Variants in TRAP1 observed in about 807,000 individuals in gnomAD.
The protein encoded by TRAP1 is TNF receptor associated protein 1.
TRAP1 carries 102 observed loss-of-function variants against 89.1 expected under a neutral mutation model. The ratio of observed to expected loss-of-function variants is 1.15; its 90% CI spans 0.98 to 1.35. TRAP1 has a LOEUF of 1.35. Ranked by LOEUF, TRAP1 falls within the 40% of genes most tolerant of loss-of-function variation. The probability of loss-of-function intolerance (pLI) is 0.00; values close to 1 mark genes in which losing one functional copy is unlikely to be tolerated. For synonymous variants in TRAP1, 508 were observed against 388.0 expected (o/e 1.31, Z -3.64); for missense variants, 1,256 against 945.3 (o/e 1.33, Z -4.31).
At chr16:3,682,982 G>A (rs931261241) in intron 4 of TRAP1, among the ~76,000 whole-genome samples, 4 of 151,670 alleles carry the variant, frequency 2.6e-5, no homozygotes, top group African/African-American at 7.3e-5. Flanking sequence ...CAGCCTGACC[G>A]ACATGGAGAA....
At chr16:3,669,832 CAAA>C (rs59256364) in intron 11 of TRAP1, among the ~76,000 whole-genome samples, 2 of 66,156 alleles carry the variant, frequency 3.0e-5, no homozygotes, top group South Asian at 4.9e-4. Flanking sequence ...GACTCCGTCT[CAAA>C]AAAAAAAAAA....
At chr16:3,673,346 GGGT>G (rs1567229579) in intron 9 of TRAP1, among the ~76,000 whole-genome samples, 1 of 152,222 alleles carries the variant, frequency 6.6e-6, no homozygotes, top group Non-Finnish European at 1.5e-5. Flanking sequence ...TCACCCGGCA[GGGT>G]TAGTGGCTAC....
chr16:3,683,392 T>G (rs896449066), intron 4 of TRAP1, among the ~76,000 whole-genome samples: 1 of 151,562 alleles, frequency 6.6e-6, no homozygotes, highest in Non-Finnish European at 1.5e-5. Flanking sequence ...ACATTTCTTT[T>G]TTTTTTTTTT....
At chr16:3,690,774 G>C (rs945256778) in intron 2 of TRAP1, 53 bp downstream of exon 2, 1 of 1,337,152 alleles carries the variant, frequency 7.5e-7, no homozygotes, top group African/African-American at 1.5e-5. Context: ...GCCCCTTTAC[G>C]CACAGCAGTG....
At chr16:3,695,808 C>T (rs778959752) in intron 1 of TRAP1, among the ~76,000 whole-genome samples, 1 of 152,096 alleles carries the variant, frequency 6.6e-6, no homozygotes, top group African/African-American at 2.4e-5. Context: ...GCCCGATTTA[C>T]GCATGTGCCA....
intron 3 of TRAP1, among the ~76,000 whole-genome samples, chr16:3,686,339 T>C (rs2051138399): frequency 6.6e-6 from 1 of 152,196 alleles, no homozygotes; most frequent in Non-Finnish European, 1.5e-5. Flanking sequence ...CCTTTCAGGA[T>C]TTCTTTGAGA....
In TRAP1 at chr16:3,666,018, G is replaced by T. The variant is rs1394531897; in HGVS notation, c.1336C>A (p.Leu446Met). The part of the protein sequence containing the change: ...KYAKFFEDYG[L>M]FMREGIVTAT... ...GTCACAATGCCCTCCCGCATGAACA[G>T]GCCGTAATCTTCAAAAAACTTTGCA... Residue 446 changes from leucine to methionine, a missense_variant, in exon 12 of 18, where the codon CTG (leucine) becomes ATG (methionine). Transcript: ENST00000246957. The T allele has an allele frequency of 4.3e-6, 7 of 1,614,148 alleles. No individual in the cohort carries two copies. Among genetic ancestry groups the T allele is most frequent in the Non-Finnish European group, 5.9e-6 (7 of 1,180,022 alleles).
intron 4 of TRAP1, 54 bp downstream of exon 4, chr16:3,685,942 C>T: frequency 1.3e-6 from 2 of 1,591,422 alleles, no homozygotes; most frequent in Non-Finnish European, 1.7e-6. Context: ...AAGGCGGATC[C>T]TGTCCTTGCT....
intron 3 of TRAP1, 25 bp downstream of exon 3, chr16:3,689,030 C>T (rs373945782): frequency 2.1e-5 from 33 of 1,578,112 alleles, no homozygotes; most frequent in African/African-American, 1.8e-4. Flanking sequence ...TTGCTAGCAT[C>T]GGGCATGGTT....
chr16:3,691,237 G>C (rs2051210428), intron 1 of TRAP1: 1 of 303,236 alleles, frequency 3.3e-6, no homozygotes. Context: ...GGAGGGGGTG[G>C]GCTGCTGCCT....
At chr16:3,696,043 AG>A (rs2051282787) in intron 1 of TRAP1, among the ~76,000 whole-genome samples, 1 of 152,216 alleles carries the variant, frequency 6.6e-6, no homozygotes, top group African/African-American at 2.4e-5. Context: ...GACGCGTGAC[AG>A]GGCCCAGGCG....
At chr16:3,706,292 G>A (rs1012056532) in intron 1 of TRAP1, among the ~76,000 whole-genome samples, 6 of 151,740 alleles carry the variant, frequency 4.0e-5, no homozygotes, top group Non-Finnish European at 5.9e-5. Flanking sequence ...GTTTTGGGGT[G>A]GGGTGGGGGT....
chr16:3,685,888 G>T, intron 4 of TRAP1, 108 bp downstream of exon 4: 1 of 1,326,180 alleles, frequency 7.5e-7, no homozygotes, highest in Non-Finnish European at 1.0e-6. Context: ...TTATCCTGGT[G>T]GTACGGACGG....
chr16:3,667,753 AT>A (rs1404745786), intron 11 of TRAP1, among the ~76,000 whole-genome samples: 1 of 143,918 alleles, frequency 6.9e-6, no homozygotes. Flanking sequence ...AATATAACAC[AT>A]CAATTTTTTT....
rs1351492887 is a variant in TRAP1, at chr16:3,664,439, C to T, written c.1404G>A (p.Leu468=). 7.4e-6 allele frequency: 12 copies of T among 1,611,686 alleles called. No homozygotes were observed. In the Admixed American group the frequency reaches 1.5e-4, roughly 20 times the overall value. The part of the protein sequence containing the change: ...QEVKEDIAKL[L]RYESSALPSG... Reference sequence around the variant, plus strand: ...AGGGCAGCGCCGAGGACTCGTAGCGCAGCAGCTTTGCTATGTCCTCCTAGA... The same window carrying T: ...AGGGCAGCGCCGAGGACTCGTAGCGTAGCAGCTTTGCTATGTCCTCCTAGA... The change falls in exon 13 of 18, where the codon CTG becomes CTA. Residue 468 remains leucine, a synonymous_variant. Transcript: ENST00000246957.
chr16:3,714,558 C>T (rs1039335653), intron 1 of TRAP1, among the ~76,000 whole-genome samples: 2 of 152,086 alleles, frequency 1.3e-5, no homozygotes, highest in African/African-American at 4.8e-5. Flanking sequence ...ACGTGGGAGG[C>T]GAAGTCAGGA....
chr16:3,686,831 C>T (rs950392558), intron 3 of TRAP1, among the ~76,000 whole-genome samples: 13 of 152,132 alleles, frequency 8.5e-5, no homozygotes, highest in African/African-American at 2.4e-4. Context: ...ATTAGCTGGG[C>T]GTGATGGAAC....
chr16:3,692,274 G>A (rs1596735077), intron 1 of TRAP1, among the ~76,000 whole-genome samples: 1 of 152,118 alleles, frequency 6.6e-6, no homozygotes, highest in Non-Finnish European at 1.5e-5. Flanking sequence ...GGTGGCTCAC[G>A]CCCGTAAACC....
chr16:3,707,955 T>G (rs917160633), intron 1 of TRAP1, among the ~76,000 whole-genome samples: 23 of 150,292 alleles, frequency 1.5e-4, no homozygotes, highest in Non-Finnish European at 2.8e-4. Flanking sequence ...CAGGCAGAAG[T>G]AGGAGGATCA....
Sources: gnomAD v4.1 joint callset for allele counts (sites outside exome capture counted in the v4.1 genomes callset) on GRCh38, gnomAD v4.1.1 for gene constraint, MANE v1.5 for transcripts, NCBI Gene and HGNC (gene_info 2026-07-23, HGNC 2026-07-21) for gene names.